LRRC31: variants seen among roughly 807,000 people sequenced by gnomAD.
The protein encoded by LRRC31 is leucine-rich repeat-containing protein 31.
A neutral mutation model predicts 46.7 loss-of-function variants in LRRC31; 35 were observed. That is an observed-to-expected ratio of 0.75 (90% CI 0.57 to 0.99). The LOEUF (loss-of-function observed/expected upper bound fraction) is 0.99. LRRC31 is among the 50% of genes least tolerant of loss of function. The probability of loss-of-function intolerance (pLI) is 0.00; values close to 1 mark genes in which losing one functional copy is unlikely to be tolerated. For missense variants in LRRC31, 613 were observed against 626.1 expected (o/e 0.98, Z 0.22); for synonymous variants, 236 against 235.1 (o/e 1.00, Z -0.03).
chr3:169,866,121 G>A (rs945276197), intron 1 of LRRC31, among the ~76,000 whole-genome samples: 3 of 152,282 alleles, frequency 2.0e-5, no homozygotes, highest in Non-Finnish European at 4.4e-5. Flanking sequence ...TTTTAAGCAG[G>A]CGAGAGACAC....
In LRRC31 at chr3:169,866,931, C is replaced by T. The variant is rs184326241; in HGVS notation, c.175+2702G>A. On this transcript the variant is annotated intron_variant, in intron 1 of 8. Transcript: ENST00000316428. ...GAGCCGAGATCACACTGCTGCACTCCAGACTGGGTGACGGTGCGAAACTCT... is the reference window on the plus strand; with the variant it reads ...GAGCCGAGATCACACTGCTGCACTCTAGACTGGGTGACGGTGCGAAACTCT... 4.2e-4 allele frequency among the ~76,000 whole-genome samples: 63 copies of T among 151,794 alleles called. No homozygotes were observed. In the East Asian group the frequency reaches 7.6e-3, roughly 18 times the overall value.
chr3:169,857,994 G>A (rs1234512738), intron 3 of LRRC31, among the ~76,000 whole-genome samples: 1 of 152,152 alleles, frequency 6.6e-6, no homozygotes, highest in Non-Finnish European at 1.5e-5. Context: ...GCTCATGATT[G>A]ATTAGTTATG....
chr3:169,854,819 A>T lies in LRRC31; in HGVS notation c.985T>A (p.Ser329Thr). Residue 329 changes from serine (S) to threonine (T), a missense_variant, in exon 6 of 9, where the codon TCA becomes ACA. Ser to Thr is a moderately conservative substitution (Grantham distance 58, BLOSUM62 1). Transcript: ENST00000316428. ...CTCTGCAATATATACTTACTCAGTG[A>T]CATCACGTCATCTGCTGTTAGTGAG... is the stretch of plus-strand genomic sequence containing the variant. ...QCSLTADDVM[S>T]LTQVIPLLSN... 6.2e-7 allele frequency: 1 copy of T among 1,610,334 alleles called. No individual in the cohort carries two copies. The highest frequency in any genetic ancestry group is 1.7e-4 in the Middle Eastern group (1 of 6,050).
At chr3:169,861,921 T>G in intron 1 of LRRC31, 108 bp from the exon 2 acceptor site, 1 of 1,213,918 alleles carries the variant, frequency 8.2e-7, no homozygotes, top group Non-Finnish European at 1.2e-6. Context: ...TGAATTGCTC[T>G]TTTATAAAAA....
intron 2 of LRRC31, 140 bp downstream of exon 2, chr3:169,861,530 A>G: frequency 1.1e-6 from 1 of 891,938 alleles, no homozygotes; most frequent in Non-Finnish European, 1.7e-6. Flanking sequence ...AAAAAAAAAA[A>G]AAAGCGATGC....
chr3:169,854,218 T>C (rs1339608838), intron 6 of LRRC31, among the ~76,000 whole-genome samples: 1 of 152,242 alleles, frequency 6.6e-6, no homozygotes, highest in African/African-American at 2.4e-5. Context: ...ATGCTGGATG[T>C]ACATTGAAGG....
intron 3 of LRRC31, among the ~76,000 whole-genome samples, chr3:169,859,548 T>A (rs570236793): frequency 1.2e-4 from 19 of 152,252 alleles, no homozygotes; most frequent in African/African-American, 3.4e-4. Context: ...AAAAGAAGAA[T>A]AAAAAGTATC....
intron 1 of LRRC31, among the ~76,000 whole-genome samples, chr3:169,864,859 C>T (rs184106152): frequency 3.3e-5 from 5 of 152,158 alleles, no homozygotes; most frequent in Non-Finnish European, 5.9e-5. Context: ...GGTGGATCAC[C>T]TGAGGTCAGG....
intron 8 of LRRC31, among the ~76,000 whole-genome samples, chr3:169,847,117 A>C (rs897551707): frequency 3.3e-5 from 5 of 152,220 alleles, no homozygotes; most frequent in Non-Finnish European, 2.9e-5. Flanking sequence ...GATGGGAGCC[A>C]GAGAGAGTAC....
intron 7 of LRRC31, among the ~76,000 whole-genome samples, chr3:169,848,679 G>A (rs923600961): frequency 2.0e-5 from 3 of 152,126 alleles, no homozygotes; most frequent in South Asian, 2.1e-4. Flanking sequence ...GGATGGTCTC[G>A]ATCTCCTGAC....
intron 1 of LRRC31, among the ~76,000 whole-genome samples, chr3:169,864,783 A>C (rs987767191): frequency 6.6e-6 from 1 of 152,214 alleles, no homozygotes; most frequent in African/African-American, 2.4e-5. Context: ...TTTTTAAAAA[A>C]TCTGTGAAAC....
In LRRC31 at chr3:169,869,900, C is replaced by G; in HGVS notation, c.-93G>C. On this transcript the variant is annotated 5_prime_UTR_variant, in exon 1 of 9. Coordinates refer to ENST00000316428, the MANE Select transcript of LRRC31 (RefSeq NM_024727.4). ...AAGAAGAAAAGAAGATTCTGTCAAGCCTGTGTTCAATCAAAATATCCTCCC... is the reference window on the plus strand; with the variant it reads ...AAGAAGAAAAGAAGATTCTGTCAAGGCTGTGTTCAATCAAAATATCCTCCC... 4.1e-6 allele frequency: 5 copies of G among 1,211,766 alleles called. No homozygotes were observed. In the South Asian group the frequency reaches 7.3e-5, roughly 18 times the overall value. The allele number at this position is 1,211,766 out of a possible 1,614,324, so 75.1% of individuals were successfully genotyped here.
At chr3:169,853,806 C>A (rs573707399) in intron 6 of LRRC31, 272 of 684,310 alleles carry the variant, frequency 4.0e-4, no homozygotes, top group African/African-American at 3.4e-3. Flanking sequence ...TCTTCCTCCC[C>A]AAATTGTACT....
chr3:169,855,082 G>A (rs565213573), intron 5 of LRRC31, 102 bp from the exon 6 acceptor site: 35 of 994,568 alleles, frequency 3.5e-5, no homozygotes, highest in South Asian at 1.8e-4. Context: ...CTTGAGCCCC[G>A]GAGTTCGAGT....
At chr3:169,849,895 T>C (rs1436485205) in intron 7 of LRRC31, among the ~76,000 whole-genome samples, 1 of 152,208 alleles carries the variant, frequency 6.6e-6, no homozygotes, top group African/African-American at 2.4e-5. Context: ...AGATTCCAAG[T>C]TCTGGGATAT....
chr3:169,861,555 T>G, intron 2 of LRRC31, 115 bp downstream of exon 2: 1 of 1,072,504 alleles, frequency 9.3e-7, no homozygotes, highest in Non-Finnish European at 1.3e-6. Context: ...TCTGCAATTG[T>G]CTGGGACCAC....
intron 3 of LRRC31, among the ~76,000 whole-genome samples, chr3:169,857,545 T>C (rs923516668): frequency 2.0e-5 from 3 of 151,086 alleles, no homozygotes; most frequent in Non-Finnish European, 4.4e-5. Flanking sequence ...GAGGGTGCAG[T>C]GACACAGGGA....
rs35871174 is a variant in LRRC31 at position 169,851,622 on chromosome 3, G to C, written c.1156C>G (p.Leu386Val). 5.0e-4 allele frequency: 802 copies of C among 1,613,002 alleles called. 6 individuals carry two copies. In the African/African-American group the frequency reaches 9.4e-3, roughly 19 times the overall value. The change falls in exon 7 of 9, where the codon CTT becomes GTT. Residue 386 changes from leucine to valine, a missense_variant. Transcript: ENST00000316428. Reference protein sequence around the residue: ...CALESETFTALAEASVHLSAL... With the variant: ...CALESETFTAVAEASVHLSAL... ...AGGGATCTGGGAAATCTCTTACCAA[G>C]AGCTGTAAAAGTCTCACTCTCCAAA...
intron 3 of LRRC31, among the ~76,000 whole-genome samples, chr3:169,857,455 T>C (rs189726975): frequency 7.0e-6 from 1 of 142,080 alleles, no homozygotes; most frequent in Non-Finnish European, 1.5e-5. Flanking sequence ...CAACCTGAAC[T>C]GACCACTACA....
Sources: gnomAD v4.1 joint callset for allele counts (sites outside exome capture counted in the v4.1 genomes callset) on GRCh38, gnomAD v4.1.1 for gene constraint, MANE v1.5 for transcripts, NCBI Gene and HGNC (gene_info 2026-07-23, HGNC 2026-07-21) for gene names.